PREX2: variants seen among roughly 807,000 people sequenced by gnomAD.
PREX2 encodes the protein phosphatidylinositol 3,4,5-trisphosphate-dependent Rac exchanger 2 protein.
A neutral mutation model predicts 203.2 loss-of-function variants in PREX2; 107 were observed. That is an observed-to-expected ratio of 0.53 (90% CI 0.45 to 0.62). PREX2 has a LOEUF of 0.62. Among genes scored for constraint, PREX2 ranks in the 20% least tolerant of loss-of-function variants. PREX2 has a pLI of 0.00. For missense variants in PREX2, 1,777 were observed against 1,955.9 expected (o/e 0.91, Z 1.72); for synonymous variants, 672 against 663.6 (o/e 1.01, Z -0.19).
rs1813202576 is a variant in PREX2, at chr8:68,233,254, A to T, written c.*1876A>T. 1 of 152,218 alleles carries T rather than the reference A, an allele frequency of 6.6e-6. No homozygotes were observed. The highest frequency in any genetic ancestry group is 6.5e-5 in the Admixed American group (1 of 15,284). 9.4% of individuals were successfully genotyped at this position (152,218 alleles called of 1,614,324 possible). On this transcript the variant is annotated 3_prime_UTR_variant, in exon 40 of 40. Transcript: ENST00000288368. ...AATAAAGGAACACAGCTGATTAGCT[A>T]GCAAGTCCTTTCATATTGTCATGAC...
chr8:67,994,478 G>A (rs1378591464), intron 1 of PREX2, among the ~76,000 whole-genome samples: 1 of 152,236 alleles, frequency 6.6e-6, no homozygotes, highest in East Asian at 1.9e-4. Context: ...GATGTCAACT[G>A]TTTTGTTAAA....
rs544355212 is a variant in PREX2, at chr8:68,113,921, G to A, written c.3147-1832G>A. Among the ~76,000 whole-genome samples the A allele has an allele frequency of 2.7e-4, 41 of 152,254 alleles. No homozygotes were observed. The South Asian group carries it at 8.3e-3, about 31-fold the overall frequency. ...CTGTTGCCCAGGCTGGAGTGCAGTG[G>A]TGTGATCTATGCTCACTGCAACCTC... On this transcript the variant is annotated intron_variant, in intron 25 of 39. Transcript: ENST00000288368.
chr8:68,213,294 A>T (rs187969176), intron 37 of PREX2, among the ~76,000 whole-genome samples: 3 of 152,356 alleles, frequency 2.0e-5, no homozygotes, highest in African/African-American at 7.2e-5. Flanking sequence ...TATCATTTGC[A>T]GTTAAAACAC....
At position 68,232,054 on chromosome 8, in the gene PREX2, G is replaced by C. The variant is rs1226354207; in HGVS notation, c.*676G>C. 1.3e-5 allele frequency: 2 copies of C among 152,164 alleles called. No homozygotes were observed. Among genetic ancestry groups the C allele is most frequent in the Non-Finnish European group, 2.9e-5 (2 of 68,032 alleles). The allele number at this position is 152,164 out of a possible 1,614,324, so 9.4% of individuals were successfully genotyped here. A position where few individuals can be genotyped will look rare whatever the true frequency, so the allele number is the denominator to read the frequency against. On this transcript the variant is annotated 3_prime_UTR_variant, in exon 40 of 40. Transcript: ENST00000288368. ...TGGGCATCCTTTATTCTTGTGGACA[G>C]CTCTAGCAAATCAATGCTATTTTTG...
intron 37 of PREX2, among the ~76,000 whole-genome samples, chr8:68,205,671 C>G (rs928408256): frequency 1.3e-5 from 2 of 152,184 alleles, no homozygotes; most frequent in African/African-American, 2.4e-5. Flanking sequence ...TTTCTTCAAT[C>G]AGGTGCTTCA....
At chr8:68,007,360 TA>T (rs1231980340) in intron 1 of PREX2, among the ~76,000 whole-genome samples, 3 of 152,214 alleles carry the variant, frequency 2.0e-5, no homozygotes, top group African/African-American at 7.2e-5. Context: ...ATGAATGACT[TA>T]AAAGCAGTTC....
chr8:68,012,547 T>G (rs1021127291), intron 1 of PREX2, among the ~76,000 whole-genome samples: 4 of 152,198 alleles, frequency 2.6e-5, no homozygotes, highest in Admixed American at 6.5e-5. Flanking sequence ...TCTTTAGACA[T>G]TTATTTGAGT....
intron 1 of PREX2, among the ~76,000 whole-genome samples, chr8:67,981,071 A>T (rs1230788271): frequency 6.6e-6 from 1 of 152,208 alleles, no homozygotes; most frequent in Admixed American, 6.5e-5. Flanking sequence ...ATTATTTTTG[A>T]TAGGAAGTGT....
intron 1 of PREX2, 43 bp downstream of exon 1, chr8:67,952,578 G>C: frequency 6.3e-7 from 1 of 1,588,076 alleles, no homozygotes; most frequent in Non-Finnish European, 8.6e-7. Flanking sequence ...CGGGCGGCGC[G>C]GGGCGCGGGT....
At chr8:68,088,939 A>G (rs1401254585) in intron 19 of PREX2, among the ~76,000 whole-genome samples, 2 of 152,216 alleles carry the variant, frequency 1.3e-5, no homozygotes, top group Non-Finnish European at 2.9e-5. Flanking sequence ...GGGTTGGCCT[A>G]CGTCTGGTTT....
chr8:68,209,257 A>G (rs1428663638), intron 37 of PREX2, among the ~76,000 whole-genome samples: 1 of 152,148 alleles, frequency 6.6e-6, no homozygotes, highest in African/African-American at 2.4e-5. Context: ...CTGCCCAGGT[A>G]ACTTCAGCTT....
chr8:68,145,303 T>A (rs1294949081), intron 33 of PREX2, among the ~76,000 whole-genome samples: 1 of 152,170 alleles, frequency 6.6e-6, no homozygotes, highest in African/African-American at 2.4e-5. Flanking sequence ...ATGTCATGTT[T>A]CCCATATTGG....
At chr8:68,114,868 C>G (rs1810609536) in intron 25 of PREX2, among the ~76,000 whole-genome samples, 1 of 152,084 alleles carries the variant, frequency 6.6e-6, no homozygotes, top group Non-Finnish European at 1.5e-5. Context: ...GGGCAAAACC[C>G]AAGGCATAGA....
At chr8:67,953,597 C>A (rs781089397) in intron 1 of PREX2, among the ~76,000 whole-genome samples, 7 of 152,130 alleles carry the variant, frequency 4.6e-5, no homozygotes, top group Non-Finnish European at 7.4e-5. Flanking sequence ...AGGTGCCAAA[C>A]TTCCTGCTTA....
chr8:67,971,821 A>G (rs1805934919), intron 1 of PREX2, among the ~76,000 whole-genome samples: 1 of 152,228 alleles, frequency 6.6e-6, no homozygotes, highest in African/African-American at 2.4e-5. Flanking sequence ...TGAGCAAGGC[A>G]ATAAGACAAC....
intron 1 of PREX2, among the ~76,000 whole-genome samples, chr8:68,003,930 C>T (rs557347207): frequency 1.2e-4 from 17 of 147,266 alleles, no homozygotes; most frequent in South Asian, 2.2e-4. Context: ...CTCACTGCAA[C>T]GTCTGCCTCC....
intron 23 of PREX2, among the ~76,000 whole-genome samples, chr8:68,107,811 G>T (rs553083491): frequency 7.4e-4 from 113 of 152,266 alleles, no homozygotes; most frequent in African/African-American, 2.6e-3. Context: ...GGAGCCTGTG[G>T]ATTTGAGTCC....
At chr8:67,983,873 A>G (rs1234133287) in intron 1 of PREX2, among the ~76,000 whole-genome samples, 1 of 152,184 alleles carries the variant, frequency 6.6e-6, no homozygotes, top group African/African-American at 2.4e-5. Context: ...CATCTGTAAG[A>G]TGGGGATGAT....
At chr8:68,140,227 T>C (rs1489167035) in intron 33 of PREX2, among the ~76,000 whole-genome samples, 1 of 152,226 alleles carries the variant, frequency 6.6e-6, no homozygotes, top group African/African-American at 2.4e-5. Context: ...TAAATGTAGA[T>C]GTCACTATAA....
Sources: gnomAD v4.1 joint callset for allele counts (sites outside exome capture counted in the v4.1 genomes callset) on GRCh38, gnomAD v4.1.1 for gene constraint, MANE v1.5 for transcripts, NCBI Gene and HGNC (gene_info 2026-07-23, HGNC 2026-07-21) for gene names.